SLC12A2: variants seen among roughly 807,000 people sequenced by gnomAD.
The protein encoded by SLC12A2 is solute carrier family 12 member 2.
In SLC12A2, 67 loss-of-function variants were observed where a neutral mutation model predicts 136.3. The ratio of observed to expected loss-of-function variants is 0.49; its 90% CI spans 0.40 to 0.60. The LOEUF (loss-of-function observed/expected upper bound fraction) is 0.60, where lower values mean the gene tolerates loss of function less well. SLC12A2 is among the 20% of genes least tolerant of loss of function. SLC12A2 has a pLI of 0.00. For missense variants in SLC12A2, 1,322 were observed against 1,534.7 expected, an observed-to-expected ratio of 0.86 and a Z score of 2.32; for synonymous variants, 619 against 562.9, an observed-to-expected ratio of 1.10 and a Z score of -1.41.
In SLC12A2 at chr5:128,184,371, T is replaced by C. The variant is rs911118887; in HGVS notation, c.3305T>C (p.Ile1102Thr). The change falls in exon 25 of 27, where the codon ATA (isoleucine) becomes ACA (threonine). Residue 1102 changes from isoleucine to threonine, a missense_variant. Physicochemically the swap from Ile to Thr is moderately conservative, Grantham distance 89. This residue lies in a region of SLC12A2 where 172 missense variants were observed against 227.4 expected (regional missense o/e 0.76). Transcript: ENST00000262461. Reference sequence around the variant, plus strand: ...ATTCTTTCTGTTTTTTAAAGTATTATAGCTTTTGAGGAAATCATTGAGCCA... The same window carrying C: ...ATTCTTTCTGTTTTTTAAAGTATTACAGCTTTTGAGGAAATCATTGAGCCA... ...INTKPKKENI[I>T]AFEEIIEPYR... 7.1e-6 allele frequency: 11 copies of C among 1,539,514 alleles called. No individual in the cohort carries two copies. The highest frequency in any genetic ancestry group is 1.4e-5 in the African/African-American group (1 of 71,358).
At chr5:128,161,843 G>C (rs2126734670) in intron 17 of SLC12A2, 43 bp downstream of exon 17, 5 of 1,303,410 alleles carry the variant, frequency 3.8e-6, no homozygotes, top group Non-Finnish European at 5.0e-6. Context: ...TTTTAGATTT[G>C]TATAAGCTTT....
intron 4 of SLC12A2, among the ~76,000 whole-genome samples, chr5:128,120,337 G>GTGGGTATAT (rs1332007659): frequency 8.4e-6 from 1 of 118,686 alleles, no homozygotes; most frequent in Non-Finnish European, 1.7e-5. Context: ...AATACCATTT[G>GTGGGTATAT]ACCCAGCCAT....
chr5:128,177,259 G>T, intron 21 of SLC12A2, 107 bp downstream of exon 21: 1 of 755,484 alleles, frequency 1.3e-6, no homozygotes, highest in Non-Finnish European at 2.1e-6. Flanking sequence ...TCCATGGTGA[G>T]GTAATGTTAC....
Position 128,161,775 on chromosome 5 carries a change from G to A in SLC12A2, c.2591G>A (p.Arg864Lys). 1 of 1,495,704 alleles carries A rather than the reference G, an allele frequency of 6.7e-7. No homozygotes were observed. The highest frequency in any genetic ancestry group is 1.5e-5 in the South Asian group (1 of 68,960). 92.7% of individuals were successfully genotyped at this position (1,495,704 alleles called of 1,614,324 possible). A position where few individuals can be genotyped will look rare whatever the true frequency, so the allele number is the denominator to read the frequency against. Residue 864 changes from arginine (R) to lysine (K), a missense_variant, in exon 17 of 27, where the codon AGA becomes AAA. This residue lies in a region of SLC12A2 where 226 missense variants were observed against 210.4 expected (regional missense o/e 1.07). Transcript: ENST00000262461. ...GCTCCAGTACATGCAGATGACTTGA[G>A]AGAAGGTGCACAGTATTTGATGCAG... is the stretch of plus-strand genomic sequence containing the variant. ...FYAPVHADDL[R>K]EGAQYLMQAA...
intron 15 of SLC12A2, among the ~76,000 whole-genome samples, chr5:128,157,124 A>T (rs1234454454): frequency 6.6e-6 from 1 of 151,992 alleles, no homozygotes; most frequent in East Asian, 1.9e-4. Context: ...CATTTTAAGG[A>T]CTCCTGTAAA....
intron 1 of SLC12A2, chr5:128,110,684 A>C: frequency 7.2e-7 from 1 of 1,380,924 alleles, no homozygotes; most frequent in Non-Finnish European, 1.0e-6. Context: ...ACATTTTTAC[A>C]ATGAGCTCTG....
intron 1 of SLC12A2, among the ~76,000 whole-genome samples, chr5:128,097,680 T>C (rs570424627): frequency 6.6e-6 from 1 of 152,260 alleles, no homozygotes; most frequent in South Asian, 2.1e-4. Context: ...TTTAAAACAG[T>C]ACTTTCTCTT....
In SLC12A2 at chr5:128,171,339, A is replaced by G. The variant is rs368063239; in HGVS notation, c.2724-328A>G. On this transcript the variant is annotated intron_variant, in intron 18 of 26. Transcript: ENST00000262461. ...TTTAATGGTATAAGCCCAAATATAA[A>G]TATAGCGGGATTCTGAAAGTAGTTT... 3.9e-5 allele frequency among the ~76,000 whole-genome samples: 6 copies of G among 152,240 alleles called. No individual in the cohort carries two copies. In the East Asian group the frequency reaches 1.2e-3, roughly 29 times the overall value.
At chr5:128,158,798 A>G (rs1224359328) in intron 16 of SLC12A2, among the ~76,000 whole-genome samples, 1 of 151,602 alleles carries the variant, frequency 6.6e-6, no homozygotes, top group African/African-American at 2.4e-5. Context: ...TAGTGGCTGA[A>G]GTAATTTACA....
At chr5:128,117,062 C>G (rs528881715) in intron 4 of SLC12A2, among the ~76,000 whole-genome samples, 37 of 152,214 alleles carry the variant, frequency 2.4e-4, no homozygotes, top group Admixed American at 4.6e-4. Flanking sequence ...ATTAAAGTGA[C>G]CTATAATAAA....
intron 1 of SLC12A2, chr5:128,109,672 T>G: frequency 3.1e-6 from 3 of 962,550 alleles, no homozygotes; most frequent in Non-Finnish European, 5.1e-6. Context: ...GCTTCACATC[T>G]TCTCCAGGCG....
intron 4 of SLC12A2, among the ~76,000 whole-genome samples, chr5:128,118,650 C>T (rs1042853545): frequency 1.3e-5 from 2 of 152,042 alleles, no homozygotes; most frequent in African/African-American, 4.8e-5. Context: ...GTGATGAATG[C>T]ACCAAAATCT....
intron 1 of SLC12A2, among the ~76,000 whole-genome samples, chr5:128,107,010 C>A (rs1268505870): frequency 6.6e-6 from 1 of 152,100 alleles, no homozygotes; most frequent in Non-Finnish European, 1.5e-5. Flanking sequence ...ATTAAAAAAA[C>A]TGAAGAGCAC....
chr5:128,098,207 C>T (rs754605626), intron 1 of SLC12A2, among the ~76,000 whole-genome samples: 2 of 152,042 alleles, frequency 1.3e-5, no homozygotes, highest in Non-Finnish European at 2.9e-5. Flanking sequence ...ACTCTTCCTT[C>T]TTCTGCCATT....
rs753435445 is a variant in SLC12A2 at position 128,112,849 on chromosome 5, A to G, written c.792A>G (p.Glu264=). 2.5e-6 allele frequency: 4 copies of G among 1,612,262 alleles called. No homozygotes were observed. The highest frequency in any genetic ancestry group is 3.4e-6 in the Non-Finnish European group (4 of 1,178,932). The part of the protein sequence containing the change: ...PFEDGFANGE[E]STPTRDAVVT... ...AGGATGGCTTTGCAAATGGGGAAGAAAGTACTCCAACCAGAGATGCTGTGG... is the reference window on the plus strand; with the variant it reads ...AGGATGGCTTTGCAAATGGGGAAGAGAGTACTCCAACCAGAGATGCTGTGG... The change falls in exon 2 of 27, where the codon GAA becomes GAG. Residue 264 remains glutamate, a synonymous_variant. Transcript: ENST00000262461.
intron 1 of SLC12A2, among the ~76,000 whole-genome samples, chr5:128,102,412 T>C (rs1760769752): frequency 1.3e-5 from 2 of 151,964 alleles, no homozygotes; most frequent in Non-Finnish European, 2.9e-5. Flanking sequence ...GTATTGGTGT[T>C]ATTTTTTATA....
At chr5:128,124,192 C>G (rs927481751) in intron 4 of SLC12A2, among the ~76,000 whole-genome samples, 8 of 152,196 alleles carry the variant, frequency 5.3e-5, no homozygotes, top group African/African-American at 1.9e-4. Flanking sequence ...AGCAATACTA[C>G]TAGGATCTGT....
chr5:128,122,015 A>G (rs1238232405), intron 4 of SLC12A2, among the ~76,000 whole-genome samples: 2 of 152,210 alleles, frequency 1.3e-5, no homozygotes, highest in African/African-American at 4.8e-5. Flanking sequence ...ATAGAGGACA[A>G]CTGCAGGCAG....
intron 1 of SLC12A2, among the ~76,000 whole-genome samples, chr5:128,091,310 A>G (rs80286636): frequency 0.014 from 2,086 of 152,256 alleles, 54 homozygotes; most frequent in African/African-American, 0.048. Flanking sequence ...TGGACTCAAG[A>G]TAGGGTTTCA....
Sources: gnomAD v4.1 joint callset for allele counts (sites outside exome capture counted in the v4.1 genomes callset) on GRCh38, gnomAD v4.1.1 for gene constraint, gnomAD v4.1.1 regional missense constraint, MANE v1.5 for transcripts, NCBI Gene and HGNC (gene_info 2026-07-23, HGNC 2026-07-21) for gene names.